Variants in RYR2 observed in about 807,000 individuals in gnomAD.
The protein encoded by RYR2 is cardiac muscle ryanodine receptor-calcium release channel.
RYR2 carries 227 observed loss-of-function variants against 601.1 expected under a neutral mutation model. That is an observed-to-expected ratio of 0.38 (90% CI 0.34 to 0.42). The LOEUF (loss-of-function observed/expected upper bound fraction) is 0.42. RYR2 is among the 10% of genes least tolerant of loss of function. The pLI, the probability that RYR2 is intolerant of heterozygous loss-of-function variation, is 1.00. For synonymous variants in RYR2, 2,223 were observed against 2,175.1 expected (o/e 1.02, Z -0.61); for missense variants, 4,646 against 6,156.5 (o/e 0.75, Z 8.21).
In RYR2 at chr1:237,418,333, C is replaced by T. The variant is rs1357963099; in HGVS notation, c.848+1210C>T. ...CTGGGATCACAGGTGTGAGCCACCACGCTCGGCCTAGTATAACTACCTTTA... is the reference window on the plus strand; with the variant it reads ...CTGGGATCACAGGTGTGAGCCACCATGCTCGGCCTAGTATAACTACCTTTA... On this transcript the variant is annotated intron_variant, in intron 11 of 104. Coordinates refer to ENST00000366574, the MANE Select transcript of RYR2 (RefSeq NM_001035.3). Among the ~76,000 whole-genome samples the T allele has an allele frequency of 3.3e-5, 5 of 152,136 alleles. No individual in the cohort carries two copies. In the South Asian group the frequency reaches 6.2e-4, roughly 19 times the overall value.
chr1:237,557,901 G>A (rs139487358), intron 27 of RYR2, among the ~76,000 whole-genome samples: 106 of 152,258 alleles, frequency 7.0e-4, no homozygotes, highest in African/African-American at 2.5e-3. Context: ...AGTTTGAGGT[G>A]CATGTGAGAC....
chr1:237,806,426 A>G (rs1254390795), intron 99 of RYR2, 143 bp downstream of exon 99: 3 of 745,786 alleles, frequency 4.0e-6, no homozygotes, highest in Non-Finnish European at 6.4e-6. Flanking sequence ...TCTAAACTGC[A>G]GGGATTAGTA....
intron 84 of RYR2, among the ~76,000 whole-genome samples, chr1:237,763,370 G>T (rs896008301): frequency 6.6e-6 from 1 of 152,188 alleles, no homozygotes; most frequent in African/African-American, 2.4e-5. Context: ...CAAGGAGGAC[G>T]TGACAAGCTG....
chr1:237,723,744 A>G (rs1689946609), intron 74 of RYR2, among the ~76,000 whole-genome samples: 1 of 152,134 alleles, frequency 6.6e-6, no homozygotes, highest in African/African-American at 2.4e-5. Flanking sequence ...TGAAATCAGG[A>G]ACAAATTACA....
In RYR2 at chr1:237,180,667, C is replaced by T. The variant is rs61832391; in HGVS notation, c.49-89830C>T. On this transcript the variant is annotated intron_variant, in intron 1 of 104. Transcript: ENST00000366574. This position sits in a 1 kb window ranked among gnomAD's most constrained non-coding sequence, Gnocchi z 5.3. ...ATATGTATATGTGTATATATGTATA[C>T]ATGTGTATATATGTGTATATATGTA... Among the ~76,000 whole-genome samples the T allele has an allele frequency of 3.8e-5, 4 of 106,360 alleles. No individual in the cohort carries two copies. Among genetic ancestry groups the T allele is most frequent in the African/African-American group, 1.4e-4 (3 of 21,598 alleles). 69.8% of individuals were successfully genotyped at this position (106,360 alleles called of 152,430 possible).
chr1:237,510,538 C>G (rs1023508414), intron 23 of RYR2, among the ~76,000 whole-genome samples: 1 of 152,036 alleles, frequency 6.6e-6, no homozygotes, highest in Non-Finnish European at 1.5e-5. Flanking sequence ...ATATATGATT[C>G]TATATAAGTC....
At chr1:237,528,148 T>G (rs1185444230) in intron 24 of RYR2, among the ~76,000 whole-genome samples, 3 of 152,206 alleles carry the variant, frequency 2.0e-5, no homozygotes, top group Non-Finnish European at 2.9e-5. Context: ...ATAAAGTGCT[T>G]CTTTTAAGTG....
intron 17 of RYR2, among the ~76,000 whole-genome samples, chr1:237,481,110 A>ATGTG (rs151233521): frequency 7.6e-6 from 1 of 131,950 alleles, no homozygotes. Flanking sequence ...ATATATACAT[A>ATGTG]TATATATATA....
intron 1 of RYR2, among the ~76,000 whole-genome samples, chr1:237,113,963 G>A (rs1669780951): frequency 6.6e-6 from 1 of 152,188 alleles, no homozygotes; most frequent in Non-Finnish European, 1.5e-5. Flanking sequence ...ACATGACGTC[G>A]CTCCAACATG....
At chr1:237,487,792 C>T (rs1455941848) in intron 17 of RYR2, among the ~76,000 whole-genome samples, 1 of 150,630 alleles carries the variant, frequency 6.6e-6, no homozygotes, top group African/African-American at 2.4e-5. Context: ...TCTAATATGC[C>T]TGCATATTTC....
chr1:237,665,125 G>A (rs531778807), intron 56 of RYR2, among the ~76,000 whole-genome samples: 1 of 152,216 alleles, frequency 6.6e-6, no homozygotes, highest in African/African-American at 2.4e-5. Context: ...TCCAGGCCGG[G>A]CATGGTGGCT....
intron 2 of RYR2, among the ~76,000 whole-genome samples, chr1:237,326,503 G>A (rs773618728): frequency 5.3e-5 from 8 of 152,170 alleles, no homozygotes; most frequent in East Asian, 1.9e-4. Flanking sequence ...ACAGGTAAAC[G>A]CCATATGTAA....
At chr1:237,061,852 A>G (rs528871979) in intron 1 of RYR2, among the ~76,000 whole-genome samples, 2 of 151,252 alleles carry the variant, frequency 1.3e-5, no homozygotes, top group South Asian at 4.2e-4. Context: ...CTCCCATGTT[A>G]TCTTCTACAG....
chr1:237,410,365 A>G (rs984141305), intron 10 of RYR2, among the ~76,000 whole-genome samples: 2 of 152,210 alleles, frequency 1.3e-5, no homozygotes, highest in East Asian at 3.8e-4. Flanking sequence ...ATGTTATTCA[A>G]GATAGATAAG....
intron 73 of RYR2, among the ~76,000 whole-genome samples, chr1:237,720,513 G>A (rs994100979): frequency 4.6e-5 from 7 of 152,158 alleles, no homozygotes; most frequent in African/African-American, 1.7e-4. Flanking sequence ...TTTTCAGATA[G>A]CCAGAAGAAT....
chr1:237,711,508 T>C (rs984607077), intron 70 of RYR2, among the ~76,000 whole-genome samples: 19 of 152,248 alleles, frequency 1.2e-4, no homozygotes, highest in African/African-American at 3.6e-4. Flanking sequence ...AATGAAATTT[T>C]CTGAATCTTA....
chr1:237,423,740 A>T (rs1182266488), intron 12 of RYR2, among the ~76,000 whole-genome samples: 1 of 152,190 alleles, frequency 6.6e-6, no homozygotes, highest in Non-Finnish European at 1.5e-5. Context: ...TGTCTCAAAG[A>T]TACATTTATA....
At chr1:237,194,805 T>C in intron 1 of RYR2, among the ~76,000 whole-genome samples, 1 of 152,198 alleles carries the variant, frequency 6.6e-6, no homozygotes, top group Non-Finnish European at 1.5e-5. Flanking sequence ...CCAAACATCA[T>C]GCTGTCTTCA....
chr1:237,741,848 C>G (rs1019472237), intron 79 of RYR2, among the ~76,000 whole-genome samples: 2 of 152,070 alleles, frequency 1.3e-5, no homozygotes, highest in Non-Finnish European at 2.9e-5. Context: ...GTGATCTGCC[C>G]GCTACTGCCT....
Sources: allele counts gnomAD v4.1 joint callset (sites outside exome capture counted in the v4.1 genomes callset), GRCh38; gene constraint gnomAD v4.1.1; non-coding constraint Gnocchi (gnomAD v3.1); transcripts MANE v1.5; gene names NCBI Gene and HGNC (gene_info 2026-07-23, HGNC 2026-07-21).